Variants in RORB observed in about 807,000 individuals in gnomAD.
The protein encoded by RORB is nuclear receptor ROR-beta.
RORB carries 6 observed loss-of-function variants against 59.1 expected under a neutral mutation model. That is an observed-to-expected ratio of 0.10 (90% CI 0.06 to 0.20). RORB has a LOEUF of 0.20. Ranked by LOEUF, RORB falls within the 10% of genes least tolerant of loss-of-function variation. The pLI, the probability that RORB is intolerant of heterozygous loss-of-function variation, is 1.00. For missense variants in RORB, 320 were observed against 560.5 expected, an observed-to-expected ratio of 0.57 and a Z score of 4.33; for synonymous variants, 215 against 204.5, an observed-to-expected ratio of 1.05 and a Z score of -0.44.
rs1051540302 is a variant in RORB, at chr9:74,573,031, C to T, written c.8-57251C>T. On this transcript the variant is annotated intron_variant, in intron 1 of 9. Coordinates refer to ENST00000376896, the MANE Select transcript of RORB (RefSeq NM_006914.4). ...TTTGTATTAAACTATTTTGGTAATT[C>T]GGTCAGGTGCCCATTTTCCCAATCT... Among the ~76,000 whole-genome samples the T allele has an allele frequency of 3.3e-5, 5 of 152,120 alleles. No homozygotes were observed. In the East Asian group the frequency reaches 5.8e-4, roughly 18 times the overall value.
chr9:74,631,088 G>T (rs146700892), intron 2 of RORB, among the ~76,000 whole-genome samples: 6 of 152,138 alleles, frequency 3.9e-5, no homozygotes, highest in Non-Finnish European at 1.5e-5. Flanking sequence ...CATCCTTCCC[G>T]TGGCAAACTA....
chr9:74,504,102 G>A (rs1053634693), intron 1 of RORB, among the ~76,000 whole-genome samples: 2 of 151,856 alleles, frequency 1.3e-5, no homozygotes, highest in African/African-American at 2.4e-5. Flanking sequence ...ATATACCTAC[G>A]TGGCCATTAA....
intron 1 of RORB, among the ~76,000 whole-genome samples, chr9:74,614,956 G>A (rs1823288843): frequency 6.6e-6 from 1 of 152,228 alleles, no homozygotes; most frequent in Non-Finnish European, 1.5e-5. Context: ...GGCCCGGTGA[G>A]GTCACCTGGT....
chr9:74,677,785 A>G (rs1353299034), intron 9 of RORB, among the ~76,000 whole-genome samples: 1 of 152,242 alleles, frequency 6.6e-6, no homozygotes, highest in Non-Finnish European at 1.5e-5. Flanking sequence ...AATGTGCTGT[A>G]TTAATACAAC....
At chr9:74,601,229 C>A (rs1823049617) in intron 1 of RORB, among the ~76,000 whole-genome samples, 1 of 151,840 alleles carries the variant, frequency 6.6e-6, no homozygotes, top group Admixed American at 6.6e-5. Flanking sequence ...ACAACTTAAA[C>A]ATTCACTTAT....
intron 7 of RORB, among the ~76,000 whole-genome samples, chr9:74,666,241 A>G (rs7046125): frequency 6.6e-6 from 1 of 151,904 alleles, no homozygotes; most frequent in African/African-American, 2.4e-5. Context: ...GAGCTGAGAT[A>G]GTTCCACTGC....
At chr9:74,545,679 A>G (rs1374420559) in intron 1 of RORB, among the ~76,000 whole-genome samples, 2 of 152,188 alleles carry the variant, frequency 1.3e-5, no homozygotes, top group Non-Finnish European at 2.9e-5. Flanking sequence ...CTCAGGAGAG[A>G]AAGAAGTTCC....
At position 74,642,830 on chromosome 9, in the gene RORB, C is replaced by G. The variant is rs1056136547; in HGVS notation, c.637+15C>G. The G allele has an allele frequency of 6.4e-7, 1 of 1,552,878 alleles. No homozygotes were observed. The highest frequency in any genetic ancestry group is 1.4e-5 in the African/African-American group (1 of 72,994). On this transcript the variant is annotated intron_variant, in intron 4 of 9. Transcript: ENST00000376896. ...GACTGAAATCGGTAAGTGGAAGTCT[C>G]CTCCCAGTGGCTTTTTTTGAGATTT...
At chr9:74,642,841 CTTTT>C in intron 4 of RORB, 26 bp downstream of exon 4, 1 of 1,530,838 alleles carries the variant, frequency 6.5e-7, no homozygotes. Context: ...CTCCCAGTGG[CTTTT>C]TTTGAGATTT....
chr9:74,509,242 A>G (rs1825904210), intron 1 of RORB, among the ~76,000 whole-genome samples: 1 of 152,150 alleles, frequency 6.6e-6, no homozygotes, highest in South Asian at 2.1e-4. Flanking sequence ...GGAAAAATCT[A>G]TAGATTATGA....
chr9:74,667,606 T>C (rs1824287439), intron 7 of RORB, among the ~76,000 whole-genome samples, 185 bp from the exon 8 acceptor site: 1 of 152,222 alleles, frequency 6.6e-6, no homozygotes, highest in Non-Finnish European at 1.5e-5. Flanking sequence ...GCCAAGATGT[T>C]GCCCAATTTT....
intron 4 of RORB, among the ~76,000 whole-genome samples, chr9:74,649,775 T>A (rs574197750): frequency 6.6e-6 from 1 of 152,324 alleles, no homozygotes; most frequent in African/African-American, 2.4e-5. Flanking sequence ...GACATACATA[T>A]CTACTTACAG....
At chr9:74,592,422 G>A (rs1034096617) in intron 1 of RORB, among the ~76,000 whole-genome samples, 2 of 152,312 alleles carry the variant, frequency 1.3e-5, no homozygotes, top group Admixed American at 1.3e-4. Context: ...ATATCGCCAT[G>A]GCGTGGCTAT....
At chr9:74,612,976 G>A (rs572207397) in intron 1 of RORB, among the ~76,000 whole-genome samples, 1 of 152,090 alleles carries the variant, frequency 6.6e-6, no homozygotes, top group African/African-American at 2.4e-5. Flanking sequence ...CAATCAAATC[G>A]GATTAAATCC....
intron 1 of RORB, among the ~76,000 whole-genome samples, chr9:74,617,096 G>A (rs1475992717): frequency 4.8e-5 from 6 of 123,864 alleles, no homozygotes; most frequent in African/African-American, 9.2e-5. Context: ...CGCTCCCCCC[G>A]CAAAAAAACT....
At chr9:74,674,953 G>T (rs1587418724) in intron 9 of RORB, among the ~76,000 whole-genome samples, 1 of 152,238 alleles carries the variant, frequency 6.6e-6, no homozygotes, top group East Asian at 1.9e-4. Flanking sequence ...CTAACTAAAT[G>T]AGATAAAATA....
At chr9:74,653,702 A>G (rs919609097) in intron 4 of RORB, among the ~76,000 whole-genome samples, 2 of 152,006 alleles carry the variant, frequency 1.3e-5, no homozygotes, top group South Asian at 2.1e-4. Flanking sequence ...TTAAAGATAT[A>G]CTCAACTTTC....
chr9:74,567,375 A>C (rs1321956837), intron 1 of RORB, among the ~76,000 whole-genome samples: 2 of 152,192 alleles, frequency 1.3e-5, no homozygotes. Flanking sequence ...GGAAAGCTGG[A>C]TGGATTCCAA....
At chr9:74,516,898 T>TA (rs1826018721) in intron 1 of RORB, among the ~76,000 whole-genome samples, 1 of 152,032 alleles carries the variant, frequency 6.6e-6, no homozygotes, top group East Asian at 1.9e-4. Context: ...TTTCCTCACA[T>TA]ACCATCTCAC....
Sources: allele counts gnomAD v4.1 joint callset (sites outside exome capture counted in the v4.1 genomes callset), GRCh38; gene constraint gnomAD v4.1.1; transcripts MANE v1.5; gene names NCBI Gene and HGNC (gene_info 2026-07-23, HGNC 2026-07-21).